FOXN2: variants seen among roughly 807,000 people sequenced by gnomAD.
FOXN2 encodes forkhead box protein N2.
In FOXN2, 19 loss-of-function variants were observed where a neutral mutation model predicts 41.2. That is an observed-to-expected ratio of 0.46 (90% confidence interval 0.32 to 0.68). FOXN2 has a LOEUF of 0.68. Ranked by LOEUF, FOXN2 falls within the 30% of genes least tolerant of loss-of-function variation. The pLI is 0.03. For missense variants in FOXN2, 587 were observed against 509.4 expected (o/e 1.15, Z -1.47); for synonymous variants, 195 against 176.8 (o/e 1.10, Z -0.82).
At chr2:48,330,368 A>G (rs1252874178) in intron 2 of FOXN2, among the ~76,000 whole-genome samples, 19 of 152,200 alleles carry the variant, frequency 1.2e-4, no homozygotes, top group Admixed American at 6.5e-5. Flanking sequence ...ATTGCAGTGA[A>G]TAATTGAACT....
intron 1 of FOXN2, among the ~76,000 whole-genome samples, chr2:48,322,026 GC>G (rs1165745564): frequency 2.0e-5 from 3 of 152,152 alleles, no homozygotes; most frequent in Non-Finnish European, 4.4e-5. Context: ...TCGGCTTATT[GC>G]AATCTCCGCC....
At chr2:48,328,779 A>G (rs1389782289) in intron 2 of FOXN2, 77 bp downstream of exon 2, 2 of 152,050 alleles carry the variant, frequency 1.3e-5, no homozygotes, top group Admixed American at 6.6e-5. Flanking sequence ...TCTGCTTTTA[A>G]CAGTTTTGTT....
In FOXN2 at chr2:48,375,413, GAC is replaced by G; in HGVS notation, c.1270_1271del (p.Gln424LysfsTer20). The G allele has an allele frequency of 6.2e-7, 1 of 1,607,728 alleles. No homozygotes were observed. Among genetic ancestry groups the G allele is most frequent in the Non-Finnish European group, 8.5e-7 (1 of 1,176,748 alleles). ...CLGSLISTAK[T>X]QNQKQRKK ...TAGGTTCCCTAATAAGTACTGCAAA[GAC>G]ACAAAATCAAAAGCAACGGAAAAAA... On this transcript the variant is annotated frameshift_variant, in exon 7 of 7. Coordinates refer to ENST00000340553, the MANE Select transcript of FOXN2 (RefSeq NM_002158.4). LOFTEE classifies it high-confidence loss of function.
At chr2:48,360,880 A>G (rs1474427242) in intron 4 of FOXN2, among the ~76,000 whole-genome samples, 2 of 150,332 alleles carry the variant, frequency 1.3e-5, no homozygotes, top group African/African-American at 4.9e-5. Flanking sequence ...GGGCATGGGT[A>G]GTGCACGCCT....
chr2:48,348,693 G>A (rs1375282796), intron 3 of FOXN2, among the ~76,000 whole-genome samples: 1 of 152,184 alleles, frequency 6.6e-6, no homozygotes, highest in Non-Finnish European at 1.5e-5. Context: ...GAGTGTTTGT[G>A]GTTGCAGTAA....
intron 1 of FOXN2, among the ~76,000 whole-genome samples, chr2:48,326,672 C>G (rs1351915895): frequency 1.3e-5 from 2 of 152,146 alleles, no homozygotes; most frequent in Non-Finnish European, 2.9e-5. Flanking sequence ...TGCCAACATG[C>G]CACAAGTGGA....
chr2:48,349,522 C>T (rs6745580), intron 3 of FOXN2, among the ~76,000 whole-genome samples: 51,139 of 151,976 alleles, frequency 0.34, 8,766 homozygotes, highest in East Asian at 0.46. Context: ...ACCTGTAATC[C>T]CAGCCCTTTG....
chr2:48,366,345 T>G, intron 5 of FOXN2, among the ~76,000 whole-genome samples: 3 of 130,598 alleles, frequency 2.3e-5, no homozygotes, highest in African/African-American at 5.8e-5. Context: ...GGTGACAGAG[T>G]GAGACTCCAA....
intron 2 of FOXN2, chr2:48,340,904 A>T (rs1448639026): frequency 2.0e-5 from 3 of 152,238 alleles, no homozygotes; most frequent in African/African-American, 7.2e-5. Context: ...GAGCCTTAAC[A>T]CAAATGTGTA....
At chr2:48,329,155 C>G (rs1162626069) in intron 2 of FOXN2, among the ~76,000 whole-genome samples, 8 of 152,044 alleles carry the variant, frequency 5.3e-5, no homozygotes, top group Non-Finnish European at 1.0e-4. Flanking sequence ...TTAACTTCCC[C>G]AAGAAAGAGA....
At chr2:48,364,770 A>G (rs879416020) in intron 5 of FOXN2, among the ~76,000 whole-genome samples, 2 of 152,240 alleles carry the variant, frequency 1.3e-5, no homozygotes, top group Admixed American at 1.3e-4. Flanking sequence ...AACAAAATCA[A>G]ATAACAATAA....
intron 5 of FOXN2, among the ~76,000 whole-genome samples, chr2:48,371,907 C>T (rs914884581): frequency 6.6e-6 from 1 of 152,112 alleles, no homozygotes; most frequent in Non-Finnish European, 1.5e-5. Flanking sequence ...ACTTTACTGA[C>T]TATCAGTTCT....
chr2:48,347,220 C>CTTTTTTTT (rs751958598), intron 3 of FOXN2, among the ~76,000 whole-genome samples: 43 of 75,726 alleles, frequency 5.7e-4, no homozygotes, highest in African/African-American at 1.1e-3. Flanking sequence ...TGTTTTGGTG[C>CTTTTTTTT]TTTTTTTTTT....
At chr2:48,361,797 G>A (rs1672206026) in intron 4 of FOXN2, among the ~76,000 whole-genome samples, 2 of 151,788 alleles carry the variant, frequency 1.3e-5, no homozygotes, top group Non-Finnish European at 2.9e-5. Context: ...AAGAACTGTT[G>A]GTGTCTTTCC....
intron 5 of FOXN2, among the ~76,000 whole-genome samples, chr2:48,365,448 C>T (rs1672472036): frequency 6.6e-6 from 1 of 152,204 alleles, no homozygotes; most frequent in East Asian, 1.9e-4. Context: ...AGTTCGTATA[C>T]ATATCTTGAG....
intron 3 of FOXN2, among the ~76,000 whole-genome samples, chr2:48,356,670 T>C (rs1398030001): frequency 6.6e-6 from 1 of 152,224 alleles, no homozygotes; most frequent in Non-Finnish European, 1.5e-5. Context: ...TGCCTTCTTT[T>C]TGGTAGTAGA....
At position 48,376,089 on chromosome 2, in the gene FOXN2, A is replaced by G. The variant is rs973289422; in HGVS notation, c.*646A>G. On this transcript the variant is annotated 3_prime_UTR_variant, in exon 7 of 7. Transcript: ENST00000340553. ...CAATTTTGTGGTGTCATTTCATCCAAGAACACTCCCAATTCCTATTAGAAT... is the reference window on the plus strand; with the variant it reads ...CAATTTTGTGGTGTCATTTCATCCAGGAACACTCCCAATTCCTATTAGAAT... 2.6e-5 allele frequency: 4 copies of G among 152,212 alleles called. No homozygotes were observed. The highest frequency in any genetic ancestry group is 9.7e-5 in the African/African-American group (4 of 41,450). 9.4% of individuals were successfully genotyped at this position (152,212 alleles called of 1,614,324 possible). A position where few individuals can be genotyped will look rare whatever the true frequency, so the allele number is the denominator to read the frequency against.
At chr2:48,323,141 G>A (rs371973440) in intron 1 of FOXN2, among the ~76,000 whole-genome samples, 1 of 151,292 alleles carries the variant, frequency 6.6e-6, no homozygotes, top group Non-Finnish European at 1.5e-5. Flanking sequence ...TTTTATTGGT[G>A]TATCAATATT....
intron 1 of FOXN2, among the ~76,000 whole-genome samples, chr2:48,318,784 T>A (rs1295349704): frequency 6.6e-6 from 1 of 152,236 alleles, no homozygotes; most frequent in Non-Finnish European, 1.5e-5. Flanking sequence ...CTGCCTGATT[T>A]AAGTATCACA....
Sources: gnomAD v4.1 joint callset for allele counts (sites outside exome capture counted in the v4.1 genomes callset) on GRCh38, gnomAD v4.1.1 for gene constraint, MANE v1.5 for transcripts, NCBI Gene and HGNC (gene_info 2026-07-23, HGNC 2026-07-21) for gene names.